EED: variants seen among roughly 807,000 people sequenced by gnomAD.
EED encodes the protein polycomb protein EED.
A neutral mutation model predicts 61.0 loss-of-function variants in EED; 9 were observed. The ratio of observed to expected loss-of-function variants is 0.15; its 90% confidence interval spans 0.09 to 0.26. The LOEUF (loss-of-function observed/expected upper bound fraction) is 0.26. Among genes scored for constraint, EED ranks in the 10% least tolerant of loss-of-function variants. The probability of loss-of-function intolerance (pLI) is 1.00; values close to 1 mark genes in which losing one functional copy is unlikely to be tolerated. For missense variants in EED, 315 were observed against 542.3 expected (o/e 0.58, Z 4.16); for synonymous variants, 187 against 174.4 (o/e 1.07, Z -0.57).
In EED at chr11:86,278,632, CA is replaced by C; in HGVS notation, c.*108del. 7.0e-7 allele frequency: 1 copy of C among 1,437,860 alleles called. No homozygotes were observed. Among genetic ancestry groups the C allele is most frequent in the South Asian group, 1.4e-5 (1 of 71,960 alleles). 89.1% of individuals were successfully genotyped at this position (1,437,860 alleles called of 1,614,324 possible). ...TAGAGCATTTAGAGTTGTCTTTCAGCATTCAATCAGGCTGAGCTGAATGTAG... is the reference window on the plus strand; with the variant it reads ...TAGAGCATTTAGAGTTGTCTTTCAGCTTCAATCAGGCTGAGCTGAATGTAG... On this transcript the variant is annotated 3_prime_UTR_variant, in exon 12 of 12. Transcript: ENST00000263360.
At chr11:86,251,734 A>G (rs1349717442) in intron 2 of EED, among the ~76,000 whole-genome samples, 2 of 152,214 alleles carry the variant, frequency 1.3e-5, no homozygotes, top group Admixed American at 6.5e-5. Context: ...TTAGCCTTAT[A>G]AAATTTAGTG....
chr11:86,276,906 A>G, intron 9 of EED, 74 bp from the exon 10 acceptor site: 1 of 1,319,994 alleles, frequency 7.6e-7, no homozygotes, highest in Non-Finnish European at 9.9e-7. Flanking sequence ...AAACAATAGA[A>G]AAGCCTTGTT....
intron 6 of EED, among the ~76,000 whole-genome samples, chr11:86,262,566 A>G (rs1565697087): frequency 6.6e-6 from 1 of 152,024 alleles, no homozygotes; most frequent in African/African-American, 2.4e-5. Context: ...TTTTGCTGTG[A>G]GACGATTCAG....
intron 6 of EED, among the ~76,000 whole-genome samples, chr11:86,263,292 A>C (rs1945885194): frequency 6.6e-6 from 1 of 152,022 alleles, no homozygotes; most frequent in South Asian, 2.1e-4. Context: ...TTCAGCCCTC[A>C]CTGGAATTAC....
intron 8 of EED, chr11:86,268,228 T>A (rs2270681): frequency 5.5e-6 from 2 of 363,756 alleles, no homozygotes; most frequent in Non-Finnish European, 9.9e-6. Context: ...ACAAAGTATC[T>A]ATCATAGGAC....
At chr11:86,273,188 T>C (rs1039442809) in intron 9 of EED, among the ~76,000 whole-genome samples, 2 of 152,234 alleles carry the variant, frequency 1.3e-5, no homozygotes, top group Non-Finnish European at 2.9e-5. Context: ...TATGCTCAGC[T>C]AATTTCTTTA....
At chr11:86,258,276 T>G (rs1354237332) in intron 6 of EED, among the ~76,000 whole-genome samples, 2 of 152,364 alleles carry the variant, frequency 1.3e-5, no homozygotes, top group East Asian at 3.9e-4. Flanking sequence ...AAAATTCATA[T>G]TGCTTTTTTA....
chr11:86,249,098 A>G (rs1013744016), intron 1 of EED, among the ~76,000 whole-genome samples: 22 of 152,210 alleles, frequency 1.4e-4, no homozygotes, highest in Non-Finnish European at 3.1e-4. Flanking sequence ...TTCCACTGAG[A>G]TACAGAATTG....
intron 6 of EED, among the ~76,000 whole-genome samples, chr11:86,258,341 T>C (rs1945728938): frequency 6.6e-6 from 1 of 152,186 alleles, no homozygotes; most frequent in African/African-American, 2.4e-5. Flanking sequence ...TTCTTAAAAA[T>C]GCTACGTTTT....
At chr11:86,272,668 A>G (rs1162496641) in intron 9 of EED, among the ~76,000 whole-genome samples, 1 of 152,132 alleles carries the variant, frequency 6.6e-6, no homozygotes, top group Non-Finnish European at 1.5e-5. Context: ...TCTATTGTTC[A>G]TGCATTCACA....
In EED at chr11:86,245,093, T is replaced by G; in HGVS notation, c.-137T>G. 19 of 601,756 alleles carry G rather than the reference T, an allele frequency of 3.2e-5. No homozygotes were observed. Among genetic ancestry groups the G allele is most frequent in the African/African-American group, 4.0e-5 (2 of 49,874 alleles). 37.3% of individuals were successfully genotyped at this position (601,756 alleles called of 1,614,324 possible). A position where few individuals can be genotyped will look rare whatever the true frequency, so the allele number is the denominator to read the frequency against. On this transcript the variant is annotated 5_prime_UTR_variant, in exon 1 of 12. Coordinates refer to ENST00000263360, the MANE Select transcript of EED (RefSeq NM_003797.5). ...CGCCCGCCTCGGCGGCTGGGCGCGA[T>G]TTGCGACAGTGGGGGGGGCGGTGGA...
At chr11:86,285,200 G>T in the EED span, among the ~76,000 whole-genome samples, 1 of 152,150 alleles carries the variant, frequency 6.6e-6, no homozygotes, top group South Asian at 2.1e-4. Context: ...CAGGAGGACT[G>T]CTTGAGCCCA....
intron 1 of EED, among the ~76,000 whole-genome samples, chr11:86,249,407 C>T (rs1013711175): frequency 1.3e-4 from 20 of 148,776 alleles, no homozygotes; most frequent in African/African-American, 4.9e-4. Context: ...AAGGCTTCCT[C>T]TGGAATGTAT....
intron 9 of EED, among the ~76,000 whole-genome samples, chr11:86,275,064 G>A (rs1946198187): frequency 6.6e-6 from 1 of 152,058 alleles, no homozygotes; most frequent in African/African-American, 2.4e-5. Flanking sequence ...TCACTCATTA[G>A]CATTTGTGAG....
chr11:86,245,202 G>T lies in EED; in HGVS notation c.-28G>T, dbSNP rs769007135. 2 of 1,592,240 alleles carry T rather than the reference G, an allele frequency of 1.3e-6. No individual in the cohort carries two copies. Among genetic ancestry groups the T allele is most frequent in the African/African-American group, 2.7e-5 (2 of 74,046 alleles). ...TGTGGCGGAGGCCCCGCCCCAGGCG[G>T]CAGGAACCTGGAGGGAGGCGGAGGA... On this transcript the variant is annotated 5_prime_UTR_variant, in exon 1 of 12. Coordinates refer to ENST00000263360, the MANE Select transcript of EED (RefSeq NM_003797.5).
rs766635034 is a variant in EED, at chr11:86,245,219, G to A, written c.-11G>A. On this transcript the variant is annotated 5_prime_UTR_variant, in exon 1 of 12. Transcript: ENST00000263360. ...CCCAGGCGGCAGGAACCTGGAGGGAGGCGGAGGAATATGTCCGAGAGGGAA... is the reference window on the plus strand; with the variant it reads ...CCCAGGCGGCAGGAACCTGGAGGGAAGCGGAGGAATATGTCCGAGAGGGAA... 2 of 1,610,374 alleles carry A rather than the reference G, an allele frequency of 1.2e-6. No homozygotes were observed. The highest frequency in any genetic ancestry group is 2.2e-5 in the South Asian group (2 of 90,880).
intron 1 of EED, among the ~76,000 whole-genome samples, chr11:86,248,853 T>C (rs1945456314): frequency 6.6e-6 from 1 of 152,124 alleles, no homozygotes; most frequent in Admixed American, 6.5e-5. Context: ...ACTCTGTCTC[T>C]ACCAAAAATT....
At position 86,256,555 on chromosome 11, in the gene EED, C is replaced by A. The variant is rs749625617; in HGVS notation, c.552+43C>A. On this transcript the variant is annotated intron_variant, in intron 5 of 11. Coordinates refer to ENST00000263360, the MANE Select transcript of EED (RefSeq NM_003797.5). ...AATTGTAGATCTGCTTCTTTTGAAT[C>A]CACAACTGTAAAAACTTGTAATGTT... The A allele has an allele frequency of 1.6e-5, 24 of 1,498,878 alleles. 1 individual carries two copies. The highest frequency in any genetic ancestry group is 4.6e-5 in the East Asian group (2 of 43,302). 92.8% of individuals were successfully genotyped at this position (1,498,878 alleles called of 1,614,324 possible).
At chr11:86,255,134 A>G (rs1244329079) in intron 3 of EED, 88 bp from the exon 4 acceptor site, 15 of 1,020,456 alleles carry the variant, frequency 1.5e-5, no homozygotes, top group Non-Finnish European at 2.2e-5. Flanking sequence ...TATTTAAGAT[A>G]GGATTGCGAT....
Sources: allele counts gnomAD v4.1 joint callset (sites outside exome capture counted in the v4.1 genomes callset), GRCh38; gene constraint gnomAD v4.1.1; transcripts MANE v1.5; gene names NCBI Gene and HGNC (gene_info 2026-07-23, HGNC 2026-07-21).